Variants in PRKCE observed in about 807,000 individuals in gnomAD.
The protein encoded by PRKCE is protein kinase C epsilon.
In PRKCE, 16 loss-of-function variants were observed where a neutral mutation model predicts 85.4. The observed-to-expected ratio is 0.19, with a 90% CI of 0.13 to 0.28. The LOEUF (loss-of-function observed/expected upper bound fraction) is 0.28, where lower values mean the gene tolerates loss of function less well. Ranked by LOEUF, PRKCE falls within the 10% of genes least tolerant of loss-of-function variation. PRKCE has a pLI of 1.00. For synonymous variants in PRKCE, 388 were observed against 371.5 expected, an observed-to-expected ratio of 1.04 and a Z score of -0.51; for missense variants, 573 against 975.2, an observed-to-expected ratio of 0.59 and a Z score of 5.49.
intron 2 of PRKCE, among the ~76,000 whole-genome samples, chr2:45,939,095 C>G (rs940308951): frequency 2.0e-5 from 3 of 152,174 alleles, no homozygotes; most frequent in Non-Finnish European, 4.4e-5. Context: ...TAAATCTCCC[C>G]GTTGTTTCTT....
At chr2:46,128,537 G>A (rs1253666910) in intron 11 of PRKCE, among the ~76,000 whole-genome samples, 1 of 152,200 alleles carries the variant, frequency 6.6e-6, no homozygotes, top group Non-Finnish European at 1.5e-5. Context: ...CTAAATCAGA[G>A]TAATCTTCAG....
intron 1 of PRKCE, among the ~76,000 whole-genome samples, chr2:45,782,774 C>A (rs1158148461): frequency 3.3e-5 from 5 of 152,030 alleles, no homozygotes; most frequent in African/African-American, 7.2e-5. Flanking sequence ...CACACATACA[C>A]ACACACACTC....
intron 1 of PRKCE, among the ~76,000 whole-genome samples, chr2:45,717,515 G>A (rs928440913): frequency 6.6e-6 from 1 of 152,216 alleles, no homozygotes; most frequent in Admixed American, 6.5e-5. Flanking sequence ...AAAGCATATG[G>A]CATGTCTTGT....
In PRKCE at chr2:46,122,658, T is replaced by G. The variant is rs1032516670; in HGVS notation, c.1593-22435T>G. On this transcript the variant is annotated intron_variant, in intron 11 of 14. Coordinates refer to ENST00000306156, the MANE Select transcript of PRKCE (RefSeq NM_005400.3). ...TGAAGTTCCTCGCTTTTATGAAGAA[T>G]AATAATTATTATTGAGGGGTTAAAT... Among the ~76,000 whole-genome samples the G allele has an allele frequency of 2.6e-5, 4 of 152,208 alleles. No homozygotes were observed. The East Asian group carries it at 5.8e-4, about 22-fold the overall frequency.
intron 1 of PRKCE, among the ~76,000 whole-genome samples, chr2:45,696,601 G>C (rs1678170197): frequency 1.3e-5 from 2 of 152,128 alleles, no homozygotes; most frequent in African/African-American, 2.4e-5. Context: ...CTTTTCACTG[G>C]GTTCGAAACA....
intron 10 of PRKCE, among the ~76,000 whole-genome samples, chr2:46,053,765 TGGGTGGACAC>T (rs1666290694): frequency 6.6e-6 from 1 of 152,030 alleles, no homozygotes; most frequent in South Asian, 2.1e-4. Context: ...GGTGGACACG[TGGGTGGACAC>T]GTGGGTTGCT....
chr2:46,011,415 T>A (rs1219986801), intron 10 of PRKCE, among the ~76,000 whole-genome samples: 1 of 152,256 alleles, frequency 6.6e-6, no homozygotes, highest in Non-Finnish European at 1.5e-5. Context: ...TTGAGTCATT[T>A]GGCAAACTTT....
chr2:45,913,350 A>G (rs1182653401), intron 2 of PRKCE, among the ~76,000 whole-genome samples: 1 of 152,148 alleles, frequency 6.6e-6, no homozygotes, highest in Non-Finnish European at 1.5e-5. Context: ...AGGTTTTGCC[A>G]TGTTGTCCAG....
intron 1 of PRKCE, among the ~76,000 whole-genome samples, chr2:45,815,429 C>T (rs1447135209): frequency 6.6e-6 from 1 of 152,164 alleles, no homozygotes; most frequent in Non-Finnish European, 1.5e-5. Context: ...GCCATTCTCT[C>T]CCCTGATTGT....
rs571734158 is a variant in PRKCE at position 46,041,862 on chromosome 2, G to A, written c.1437+31345G>A. On this transcript the variant is annotated intron_variant, in intron 10 of 14. Coordinates refer to ENST00000306156, the MANE Select transcript of PRKCE (RefSeq NM_005400.3). The surrounding 1 kb of genome is among the most constrained non-coding windows in gnomAD (Gnocchi z 5.5). Reference sequence around the variant, plus strand: ...AAACCAGCCTCCATGTTAACATGTCGGCTTGAATACTCTTATTTTCCACAC... The same window carrying A: ...AAACCAGCCTCCATGTTAACATGTCAGCTTGAATACTCTTATTTTCCACAC... Among the ~76,000 whole-genome samples, 12 of 152,160 alleles carry A rather than the reference G, an allele frequency of 7.9e-5. No homozygotes were observed. Among genetic ancestry groups the A allele is most frequent in the Non-Finnish European group, 1.5e-4 (10 of 68,030 alleles).
chr2:45,670,152 C>CA (rs1399817490), intron 1 of PRKCE, among the ~76,000 whole-genome samples: 2 of 152,184 alleles, frequency 1.3e-5, no homozygotes, highest in African/African-American at 2.4e-5. Context: ...TGGACACCCC[C>CA]ACCCAGTAAG....
chr2:46,083,942 G>A (rs1204798967), intron 10 of PRKCE, among the ~76,000 whole-genome samples: 2 of 152,216 alleles, frequency 1.3e-5, no homozygotes, highest in East Asian at 1.9e-4. Flanking sequence ...AACCCTGGCC[G>A]CACATGGGAA....
chr2:45,702,567 T>C (rs1479607192), intron 1 of PRKCE, among the ~76,000 whole-genome samples: 2 of 152,224 alleles, frequency 1.3e-5, no homozygotes, highest in Admixed American at 1.3e-4. Context: ...TTGGGATTAC[T>C]TCAAGCATCC....
At chr2:46,040,081 A>G (rs1282955671) in intron 10 of PRKCE, among the ~76,000 whole-genome samples, 1 of 152,204 alleles carries the variant, frequency 6.6e-6, no homozygotes, top group Non-Finnish European at 1.5e-5. Context: ...CCCATTAACC[A>G]TGGCTGGAAG....
At chr2:45,919,507 T>A (rs1222294624) in intron 2 of PRKCE, among the ~76,000 whole-genome samples, 1 of 152,216 alleles carries the variant, frequency 6.6e-6, no homozygotes, top group Non-Finnish European at 1.5e-5. Flanking sequence ...TTGGGGAACT[T>A]CCTCCTGCAC....
intron 1 of PRKCE, among the ~76,000 whole-genome samples, chr2:45,737,668 A>C (rs1163904391): frequency 1.3e-5 from 2 of 152,058 alleles, no homozygotes; most frequent in African/African-American, 4.8e-5. Context: ...ACAGAATGTC[A>C]GGGTGGAGTC....
intron 11 of PRKCE, among the ~76,000 whole-genome samples, chr2:46,142,328 C>T (rs2104470366): frequency 6.6e-6 from 1 of 152,268 alleles, no homozygotes; most frequent in African/African-American, 2.4e-5. Context: ...GAACCGAAGA[C>T]CCCCAGAGAA....
chr2:45,676,250 C>A (rs1676443278), intron 1 of PRKCE: 1 of 152,200 alleles, frequency 6.6e-6, no homozygotes, highest in Admixed American at 6.5e-5. Context: ...CTCTGTTGAC[C>A]TTCCATTGCT....
intron 10 of PRKCE, chr2:46,073,426 T>C (rs1668247236): frequency 6.6e-6 from 1 of 152,110 alleles, no homozygotes; most frequent in Non-Finnish European, 1.5e-5. Context: ...CTGATACTTA[T>C]TTGCCCATTC....
Sources: gnomAD v4.1 joint callset for allele counts (sites outside exome capture counted in the v4.1 genomes callset) on GRCh38, gnomAD v4.1.1 for gene constraint, Gnocchi (gnomAD v3.1) non-coding constraint, MANE v1.5 for transcripts, NCBI Gene and HGNC (gene_info 2026-07-23, HGNC 2026-07-21) for gene names.